NRXN3: variants seen among roughly 807,000 people sequenced by gnomAD.
The protein encoded by NRXN3 is neurexin 3, also known as neurexin III.
A neutral mutation model predicts 137.6 loss-of-function variants in NRXN3; 32 were observed. The ratio of observed to expected loss-of-function variants is 0.23; its 90% CI spans 0.18 to 0.31. The LOEUF is 0.31. Among genes scored for constraint, NRXN3 ranks in the 10% least tolerant of loss-of-function variants. The probability of loss-of-function intolerance (pLI) is 1.00; values close to 1 mark genes in which losing one functional copy is unlikely to be tolerated. For missense variants in NRXN3, 1,574 were observed against 2,062.5 expected (o/e 0.76, Z 4.59); for synonymous variants, 798 against 784.5 (o/e 1.02, Z -0.29).
intron 15 of NRXN3, among the ~76,000 whole-genome samples, chr14:79,019,522 A>G (rs1378902608): frequency 6.6e-6 from 1 of 152,198 alleles, no homozygotes; most frequent in East Asian, 1.9e-4. Context: ...TAATTGAGGA[A>G]GACTTCTGGG....
rs2089676321 is a variant in NRXN3, at chr14:78,384,717, G to A, written c.757+86857G>A. Among the ~76,000 whole-genome samples, 5 of 152,144 alleles carry A rather than the reference G, an allele frequency of 3.3e-5. 1 individual carries two copies. The South Asian group carries it at 1.0e-3, about 32-fold the overall frequency. On this transcript the variant is annotated intron_variant, in intron 4 of 20. Transcript: ENST00000335750. ...GCTACTGGCTTTCCCAGCCTTGGAA[G>A]CTACTGGGGTACGTTAAGGATCCTC...
At chr14:78,523,612 A>T (rs1336011610) in intron 4 of NRXN3, among the ~76,000 whole-genome samples, 1 of 146,788 alleles carries the variant, frequency 6.8e-6, no homozygotes, top group Non-Finnish European at 1.5e-5. Context: ...ATCCTGGCTA[A>T]CACGGTGAAA....
intron 4 of NRXN3, among the ~76,000 whole-genome samples, chr14:78,389,771 C>T (rs1475660547): frequency 6.6e-6 from 1 of 152,058 alleles, no homozygotes; most frequent in Non-Finnish European, 1.5e-5. Context: ...TATTGAGACT[C>T]TTTCCTTTTA....
intron 15 of NRXN3, among the ~76,000 whole-genome samples, chr14:79,126,281 C>A (rs947797249): frequency 4.6e-5 from 7 of 151,908 alleles, no homozygotes; most frequent in African/African-American, 7.3e-5. Context: ...CCCACTAACT[C>A]GTCATCTAGC....
chr14:79,799,523 C>G (rs1465309831), intron 19 of NRXN3, among the ~76,000 whole-genome samples: 1 of 152,176 alleles, frequency 6.6e-6, no homozygotes, highest in Non-Finnish European at 1.5e-5. Context: ...TCTAAGTTTT[C>G]AAGAACAACA....
intron 15 of NRXN3, among the ~76,000 whole-genome samples, chr14:79,277,098 G>A (rs2080406662): frequency 6.6e-6 from 1 of 152,186 alleles, no homozygotes; most frequent in African/African-American, 2.4e-5. Context: ...TTCCAGGGGT[G>A]GTGGTCAACT....
At chr14:78,824,591 A>T (rs942733579) in intron 10 of NRXN3, among the ~76,000 whole-genome samples, 2 of 152,218 alleles carry the variant, frequency 1.3e-5, no homozygotes, top group Non-Finnish European at 2.9e-5. Context: ...CAAAGACAGA[A>T]ATCTCAGCAG....
At chr14:78,740,841 CT>C (rs1041232299) in intron 8 of NRXN3, among the ~76,000 whole-genome samples, 4 of 151,218 alleles carry the variant, frequency 2.6e-5, no homozygotes, top group Non-Finnish European at 3.0e-5. Flanking sequence ...ACTTTTTTTT[CT>C]TTTGGTTAGC....
chr14:78,394,207 T>C (rs1034011375), intron 4 of NRXN3, among the ~76,000 whole-genome samples: 12 of 152,004 alleles, frequency 7.9e-5, no homozygotes, highest in African/African-American at 2.4e-4. Flanking sequence ...TCAAGCACCA[T>C]GGTTAGCTAT....
At chr14:79,078,304 C>A (rs1166527388) in intron 15 of NRXN3, among the ~76,000 whole-genome samples, 1 of 152,132 alleles carries the variant, frequency 6.6e-6, no homozygotes, top group Non-Finnish European at 1.5e-5. Context: ...CGCATGTTAA[C>A]CCATAGGAGG....
rs530889719 is a variant in NRXN3 at position 78,262,684 on chromosome 14, G to A, written c.710-15961G>A. On this transcript the variant is annotated intron_variant, in intron 2 of 20. Coordinates refer to ENST00000335750, the MANE Select transcript of NRXN3 (RefSeq NM_001330195.2). The stretch of plus-strand genomic sequence containing the variant: ...CTCGGTACATGAAGAGAAAGGGGTT[G>A]TTGTCTTGATAGATCTCTGCTCTTC... Among the ~76,000 whole-genome samples the A allele has an allele frequency of 2.4e-4, 36 of 152,228 alleles. No homozygotes were observed. The South Asian group carries it at 5.6e-3, about 24-fold the overall frequency.
chr14:78,601,144 T>C (rs1274652557), intron 4 of NRXN3, among the ~76,000 whole-genome samples: 1 of 152,216 alleles, frequency 6.6e-6, no homozygotes, highest in Non-Finnish European at 1.5e-5. Flanking sequence ...AGCTGAATTT[T>C]ATTTTAATGA....
chr14:78,481,664 A>G (rs1240428504), intron 4 of NRXN3, among the ~76,000 whole-genome samples: 3 of 152,200 alleles, frequency 2.0e-5, no homozygotes, highest in African/African-American at 7.2e-5. Context: ...GGAAAATCAC[A>G]AAGAGAAAGA....
intron 15 of NRXN3, among the ~76,000 whole-genome samples, chr14:79,252,157 C>T (rs75390973): frequency 0.037 from 5,639 of 152,120 alleles, 372 homozygotes; most frequent in African/African-American, 0.13. Context: ...TACATTCCGA[C>T]GGGTTAATCA....
intron 2 of NRXN3, among the ~76,000 whole-genome samples, chr14:78,272,535 A>G (rs1416596041): frequency 6.6e-6 from 1 of 152,184 alleles, no homozygotes; most frequent in Non-Finnish European, 1.5e-5. Context: ...GGGCCCCTCT[A>G]AAACATATAG....
intron 15 of NRXN3, among the ~76,000 whole-genome samples, chr14:79,017,890 A>T (rs8016232): frequency 0.32 from 48,881 of 151,844 alleles, 8,473 homozygotes; most frequent in Admixed American, 0.46. Context: ...GAACTGAGAA[A>T]ATCAGGAGTC....
chr14:78,363,309 C>G (rs2085409934), intron 4 of NRXN3, among the ~76,000 whole-genome samples: 2 of 152,160 alleles, frequency 1.3e-5, no homozygotes, highest in Non-Finnish European at 2.9e-5. Flanking sequence ...AAGTACTTGG[C>G]AAATGATAGC....
At chr14:78,394,916 T>A (rs1440093274) in intron 4 of NRXN3, among the ~76,000 whole-genome samples, 1 of 151,870 alleles carries the variant, frequency 6.6e-6, no homozygotes, top group African/African-American at 2.4e-5. Flanking sequence ...TGTAGTGATA[T>A]CCCTTCTTTT....
intron 11 of NRXN3, among the ~76,000 whole-genome samples, chr14:78,962,541 T>A (rs2099410085): frequency 6.6e-6 from 1 of 152,090 alleles, no homozygotes; most frequent in Non-Finnish European, 1.5e-5. Context: ...ATTGATTAAA[T>A]GACACATAGA....
Sources: allele counts gnomAD v4.1 joint callset (sites outside exome capture counted in the v4.1 genomes callset), GRCh38; gene constraint gnomAD v4.1.1; transcripts MANE v1.5; gene names NCBI Gene and HGNC (gene_info 2026-07-23, HGNC 2026-07-21).